The following RGS7 variants were observed in gnomAD, a reference collection of about 807,000 sequenced individuals.
RGS7 encodes the protein regulator of G protein signaling 7.
A neutral mutation model predicts 81.1 loss-of-function variants in RGS7; 27 were observed. The observed-to-expected ratio is 0.33, with a 90% confidence interval of 0.25 to 0.46. The LOEUF is 0.46. Ranked by LOEUF, RGS7 falls within the 20% of genes least tolerant of loss-of-function variation. RGS7 has a pLI of 1.00. For missense variants in RGS7, 396 were observed against 607.4 expected (o/e 0.65, Z 3.66); for synonymous variants, 208 against 207.7 (o/e 1.00, Z -0.01).
chr1:241,323,979 T>C (rs1053797912), intron 2 of RGS7, among the ~76,000 whole-genome samples: 20 of 152,320 alleles, frequency 1.3e-4, no homozygotes, highest in African/African-American at 4.3e-4. Flanking sequence ...AAGCAAGTTA[T>C]TTAGTCTCTC....
intron 2 of RGS7, among the ~76,000 whole-genome samples, chr1:241,157,485 G>T (rs2069257289): frequency 6.6e-6 from 1 of 152,208 alleles, no homozygotes; most frequent in Admixed American, 6.5e-5. Context: ...CACTGCTGGT[G>T]TGAGAATCAT....
At chr1:241,186,423 A>G in intron 2 of RGS7, 1 of 855,634 alleles carries the variant, frequency 1.2e-6, no homozygotes, top group Non-Finnish European at 1.4e-6. Context: ...AAGAAACAAC[A>G]TCTAAGATTG....
chr1:241,282,533 T>C (rs2078577537), intron 2 of RGS7, among the ~76,000 whole-genome samples: 1 of 152,216 alleles, frequency 6.6e-6, no homozygotes, highest in Non-Finnish European at 1.5e-5. Context: ...AAGGATCTCT[T>C]CCTTTCTGAT....
intron 2 of RGS7, among the ~76,000 whole-genome samples, chr1:241,332,243 C>T (rs1478211275): frequency 6.6e-6 from 1 of 152,118 alleles, no homozygotes; most frequent in Non-Finnish European, 1.5e-5. Context: ...CTGCAAACCA[C>T]ATCATGTGAC....
Position 241,111,454 on chromosome 1 carries a change from C to T in RGS7, c.79-12692G>A, listed in dbSNP as rs535272892. 1.6e-4 allele frequency among the ~76,000 whole-genome samples: 24 copies of T among 152,228 alleles called. No individual in the cohort carries two copies. In the South Asian group the frequency reaches 5.0e-3, roughly 32 times the overall value. On this transcript the variant is annotated intron_variant, in intron 2 of 18. Transcript: ENST00000440928. Reference sequence around the variant, plus strand: ...GTTCTGTATGGAGCACATCCTTCTACAATTGTCTGCCCCGCTTGATATTTG... The same window carrying T: ...GTTCTGTATGGAGCACATCCTTCTATAATTGTCTGCCCCGCTTGATATTTG...
chr1:241,355,641 A>G lies in RGS7; in HGVS notation c.78+58T>C, dbSNP rs549481278. Reference sequence around the variant, plus strand: ...GATACATACTCTGATCTAGAGGGGGAAAAAAATCGAGAAAGCCGGAAGTTT... The same window carrying G: ...GATACATACTCTGATCTAGAGGGGGGAAAAAATCGAGAAAGCCGGAAGTTT... On this transcript the variant is annotated intron_variant, in intron 2 of 18. Coordinates refer to ENST00000440928, the MANE Select transcript of RGS7 (RefSeq NM_001364886.1). 4.8e-5 allele frequency: 71 copies of G among 1,471,876 alleles called. 1 individual carries two copies. The African/African-American group carries it at 9.2e-4, about 19-fold the overall frequency. The allele number at this position is 1,471,876 out of a possible 1,614,324, so 91.2% of individuals were successfully genotyped here.
At chr1:241,087,335 A>G (rs949454874) in intron 3 of RGS7, among the ~76,000 whole-genome samples, 4 of 152,246 alleles carry the variant, frequency 2.6e-5, no homozygotes, top group Admixed American at 2.0e-4. Context: ...GGGCAAAAAA[A>G]ATTAACAAAA....
chr1:240,985,721 T>A (rs1685557741), intron 3 of RGS7, among the ~76,000 whole-genome samples: 1 of 152,062 alleles, frequency 6.6e-6, no homozygotes, highest in African/African-American at 2.4e-5. Context: ...AGACTCACCA[T>A]GTTAACCTAT....
At chr1:241,011,003 T>G (rs2058930158) in intron 3 of RGS7, among the ~76,000 whole-genome samples, 1 of 152,170 alleles carries the variant, frequency 6.6e-6, no homozygotes, top group Non-Finnish European at 1.5e-5. Flanking sequence ...TTTTTGGACC[T>G]CTAACCAAGA....
chr1:240,921,434 A>C (rs1673522875), intron 6 of RGS7, among the ~76,000 whole-genome samples: 1 of 152,096 alleles, frequency 6.6e-6, no homozygotes, highest in South Asian at 2.1e-4. Context: ...AGGTAATGGA[A>C]TAAGACAAGA....
At chr1:241,013,475 T>A (rs189926076) in intron 3 of RGS7, among the ~76,000 whole-genome samples, 2 of 152,332 alleles carry the variant, frequency 1.3e-5, no homozygotes, top group Admixed American at 6.5e-5. Context: ...TCCAAAGGTG[T>A]CCCAGCTAAG....
intron 2 of RGS7, among the ~76,000 whole-genome samples, chr1:241,349,010 G>A (rs74150276): frequency 2.0e-5 from 3 of 151,898 alleles, no homozygotes; most frequent in East Asian, 1.9e-4. Flanking sequence ...AAGATAAAAT[G>A]ATAATAATAT....
intron 2 of RGS7, among the ~76,000 whole-genome samples, chr1:241,353,551 T>C (rs1422902368): frequency 6.6e-6 from 1 of 152,178 alleles, no homozygotes; most frequent in Non-Finnish European, 1.5e-5. Context: ...AGACAATCCA[T>C]AGGTAAGCAT....
chr1:240,942,891 T>C (rs1677840689), intron 4 of RGS7, among the ~76,000 whole-genome samples: 1 of 152,172 alleles, frequency 6.6e-6, no homozygotes, highest in Non-Finnish European at 1.5e-5. Context: ...AACATTTTAT[T>C]CTCCAACAAA....
chr1:241,146,478 C>T (rs1462592671), intron 2 of RGS7, among the ~76,000 whole-genome samples: 2 of 152,166 alleles, frequency 1.3e-5, no homozygotes, highest in Non-Finnish European at 1.5e-5. Context: ...GGCAGAAGTA[C>T]TTCCAGAAGA....
At chr1:241,005,013 C>G (rs1014642978) in intron 3 of RGS7, among the ~76,000 whole-genome samples, 3 of 152,100 alleles carry the variant, frequency 2.0e-5, no homozygotes, top group African/African-American at 7.2e-5. Context: ...GTGGTAAGTG[C>G]TAGGACAGAC....
intron 9 of RGS7, among the ~76,000 whole-genome samples, chr1:240,836,756 C>T (rs16840797): frequency 0.025 from 3,865 of 152,266 alleles, 177 homozygotes; most frequent in African/African-American, 0.088. Flanking sequence ...TGTGCCATTG[C>T]GTTTTTGCAT....
chr1:240,990,189 C>A (rs984376878), intron 3 of RGS7, among the ~76,000 whole-genome samples: 1 of 151,942 alleles, frequency 6.6e-6, no homozygotes, highest in East Asian at 1.9e-4. Context: ...CGAGAGGTAT[C>A]GATGGAGGCA....
intron 2 of RGS7, among the ~76,000 whole-genome samples, chr1:241,171,915 C>G (rs1384429931): frequency 6.6e-6 from 1 of 152,226 alleles, no homozygotes; most frequent in Admixed American, 6.5e-5. Context: ...AGGACTGACT[C>G]TGTTTCTTTC....
Sources: gnomAD v4.1 joint callset for allele counts (sites outside exome capture counted in the v4.1 genomes callset) on GRCh38, gnomAD v4.1.1 for gene constraint, MANE v1.5 for transcripts, NCBI Gene and HGNC (gene_info 2026-07-23, HGNC 2026-07-21) for gene names.